The following USP47 variants were observed in gnomAD, a reference collection of about 807,000 sequenced individuals.
USP47 encodes ubiquitin specific peptidase 47, also known as ubiquitin carboxyl-terminal hydrolase 47.
USP47 carries 35 observed loss-of-function variants against 165.1 expected under a neutral mutation model. That is an observed-to-expected ratio of 0.21 (90% CI 0.16 to 0.28). USP47 has a LOEUF of 0.28. Ranked by LOEUF, USP47 falls within the 10% of genes least tolerant of loss-of-function variation. The pLI, the probability that USP47 is intolerant of heterozygous loss-of-function variation, is 1.00. For missense variants in USP47, 1,277 were observed against 1,607.4 expected (o/e 0.79, Z 3.52); for synonymous variants, 531 against 544.5 (o/e 0.98, Z 0.35).
intron 17 of USP47, among the ~76,000 whole-genome samples, chr11:11,936,971 G>A (rs1855117887): frequency 6.6e-6 from 1 of 151,844 alleles, no homozygotes; most frequent in Non-Finnish European, 1.5e-5. Flanking sequence ...TCCCATCACT[G>A]TCAGCATTTA....
chr11:11,901,241 G>GA (rs1209442756), intron 5 of USP47, among the ~76,000 whole-genome samples: 6 of 151,836 alleles, frequency 4.0e-5, no homozygotes, highest in Admixed American at 6.6e-5. Context: ...ATTCCCAAAA[G>GA]AAAAGAAAAA....
chr11:11,862,706 A>G (rs1296726490), intron 1 of USP47, among the ~76,000 whole-genome samples: 1 of 152,112 alleles, frequency 6.6e-6, no homozygotes, highest in Non-Finnish European at 1.5e-5. Context: ...GTATAAACGT[A>G]TGGGATACAA....
chr11:11,920,320 C>G (rs1393608925), intron 9 of USP47, 22 bp from the exon 10 acceptor site: 2 of 1,606,422 alleles, frequency 1.2e-6, no homozygotes, highest in East Asian at 2.2e-5. Context: ...GACTCTCCCC[C>G]TTTTTGTTGT....
intron 8 of USP47, among the ~76,000 whole-genome samples, chr11:11,915,757 G>A (rs764923481): frequency 4.6e-5 from 7 of 151,938 alleles, no homozygotes; most frequent in Non-Finnish European, 8.8e-5. Context: ...GTATATATTC[G>A]GGAAAGACAG....
intron 1 of USP47, among the ~76,000 whole-genome samples, chr11:11,857,916 C>G (rs938448530): frequency 6.6e-6 from 1 of 151,978 alleles, no homozygotes; most frequent in African/African-American, 2.4e-5. Flanking sequence ...TCACTTCAGC[C>G]TCTGATTGGT....
At chr11:11,861,662 A>G (rs1300432328) in intron 1 of USP47, among the ~76,000 whole-genome samples, 2 of 152,140 alleles carry the variant, frequency 1.3e-5, no homozygotes, top group East Asian at 1.9e-4. Flanking sequence ...AGCTTATTTC[A>G]TGACTGTTTT....
intron 11 of USP47, among the ~76,000 whole-genome samples, chr11:11,923,899 T>C (rs1277832379): frequency 6.6e-6 from 1 of 152,256 alleles, no homozygotes; most frequent in African/African-American, 2.4e-5. Context: ...TGGCAAACTA[T>C]GGCTCAAGAG....
At chr11:11,910,676 A>G (rs988881034) in intron 8 of USP47, among the ~76,000 whole-genome samples, 2 of 152,072 alleles carry the variant, frequency 1.3e-5, no homozygotes, top group African/African-American at 4.8e-5. Context: ...CAGCACTAAC[A>G]AGGAGCTTCC....
At chr11:11,931,155 G>A (rs1854638119) in intron 14 of USP47, among the ~76,000 whole-genome samples, 2 of 151,950 alleles carry the variant, frequency 1.3e-5, no homozygotes, top group Admixed American at 1.3e-4. Context: ...TACAGGTGAT[G>A]TGTTTGCTCA....
intron 25 of USP47, among the ~76,000 whole-genome samples, chr11:11,953,516 G>T (rs1856356954): frequency 6.6e-6 from 1 of 151,802 alleles, no homozygotes; most frequent in Non-Finnish European, 1.5e-5. Flanking sequence ...GCCAAAAAAA[G>T]AAACTATAGA....
chr11:11,866,828 A>G (rs72856353), intron 1 of USP47, among the ~76,000 whole-genome samples: 20,895 of 151,998 alleles, frequency 0.14, 1,692 homozygotes, highest in Middle Eastern at 0.39. Context: ...CAAATTAGGC[A>G]TTAGTCTAGT....
At chr11:11,928,667 T>C (rs1411023940) in intron 11 of USP47, among the ~76,000 whole-genome samples, 1 of 152,064 alleles carries the variant, frequency 6.6e-6, no homozygotes, top group Non-Finnish European at 1.5e-5. Context: ...AGTTACTGGT[T>C]TGCAGAGTCT....
intron 11 of USP47, among the ~76,000 whole-genome samples, chr11:11,928,768 G>A (rs1003806001): frequency 4.0e-5 from 6 of 151,872 alleles, no homozygotes; most frequent in Non-Finnish European, 7.4e-5. Flanking sequence ...CATTATAAAT[G>A]ACCTCTTTTT....
Position 11,905,487 on chromosome 11 carries a change from C to G in USP47, c.908C>G (p.Thr303Arg). 1 of 1,610,046 alleles carries G rather than the reference C, an allele frequency of 6.2e-7. No homozygotes were observed. Among genetic ancestry groups the G allele is most frequent in the Non-Finnish European group, 8.5e-7 (1 of 1,177,206 alleles). Residue 303 changes from threonine (T) to arginine (R), a missense_variant, in exon 8 of 28, where the codon ACA (threonine) becomes AGA (arginine). Physicochemically the swap from Thr to Arg is moderately conservative, Grantham distance 71 (BLOSUM62 -1). Coordinates refer to ENST00000527733, the MANE Select transcript of USP47 (RefSeq NM_001282659.2). ...GGTTATGAGGGCTGGCGAATCGACA[C>G]ATATCTTGATATTCCATTGGTCATC... ...ECGYEGWRID[T>R]YLDIPLVIRP... is the part of the protein sequence containing the mutation.
In USP47 at chr11:11,930,764, A is replaced by G. The variant is rs746911741; in HGVS notation, c.1651+13A>G. ...GCCAGAAATGCAAGTATGTTTACCT[A>G]CAGTTATTTGATTTTAATTTGTGTT... On this transcript the variant is annotated intron_variant, in intron 14 of 27. Coordinates refer to ENST00000527733, the MANE Select transcript of USP47 (RefSeq NM_001282659.2). 9.4e-6 allele frequency: 15 copies of G among 1,595,694 alleles called. No homozygotes were observed. The East Asian group carries it at 1.4e-4, about 14-fold the overall frequency.
At chr11:11,900,306 G>A (rs1477288747) in intron 5 of USP47, among the ~76,000 whole-genome samples, 1 of 151,718 alleles carries the variant, frequency 6.6e-6, no homozygotes. Context: ...GACTACAGGC[G>A]CCAGCCACCT....
intron 1 of USP47, among the ~76,000 whole-genome samples, chr11:11,851,903 T>A (rs1432731102): frequency 6.6e-6 from 1 of 152,148 alleles, no homozygotes; most frequent in Non-Finnish European, 1.5e-5. Flanking sequence ...GATGTGTTCT[T>A]CTTAGTGCAT....
At chr11:11,903,666 G>A (rs1183209267) in intron 7 of USP47, among the ~76,000 whole-genome samples, 1 of 152,114 alleles carries the variant, frequency 6.6e-6, no homozygotes, top group Non-Finnish European at 1.5e-5. Flanking sequence ...AGCATTTTCA[G>A]ATAATTAGGT....
intron 8 of USP47, among the ~76,000 whole-genome samples, chr11:11,914,507 T>C (rs905443497): frequency 2.0e-5 from 3 of 152,120 alleles, no homozygotes; most frequent in Admixed American, 6.6e-5. Context: ...TTAGATTTGC[T>C]ACCAAAAGTA....
Sources: gnomAD v4.1 joint callset for allele counts (sites outside exome capture counted in the v4.1 genomes callset) on GRCh38, gnomAD v4.1.1 for gene constraint, MANE v1.5 for transcripts, NCBI Gene and HGNC (gene_info 2026-07-23, HGNC 2026-07-21) for gene names.